AMN1: variants seen among roughly 807,000 people sequenced by gnomAD.
AMN1 encodes antagonist of mitotic exit network 1 homolog.
AMN1 carries 20 observed loss-of-function variants against 33.0 expected under a neutral mutation model. That is an observed-to-expected ratio of 0.61 (90% CI 0.43 to 0.88). The LOEUF (loss-of-function observed/expected upper bound fraction) is 0.88. Ranked by LOEUF, AMN1 falls within the 40% of genes least tolerant of loss-of-function variation. The pLI is 0.00. For synonymous variants in AMN1, 114 were observed against 111.9 expected (o/e 1.02, Z -0.12); for missense variants, 246 against 307.4 (o/e 0.80, Z 1.49).
intron 6 of AMN1, among the ~76,000 whole-genome samples, chr12:31,677,648 G>A (rs754576606): frequency 1.3e-5 from 2 of 152,118 alleles, no homozygotes; most frequent in Non-Finnish European, 1.5e-5. Flanking sequence ...GGCATGCTGA[G>A]TACTTTGAAC....
At chr12:31,728,089 G>C (rs7298704) in intron 1 of AMN1, among the ~76,000 whole-genome samples, 64,820 of 151,780 alleles carry the variant, frequency 0.43, 14,680 homozygotes, top group Middle Eastern at 0.53. Flanking sequence ...TCGAACTCCT[G>C]AGCTCAAGCA....
intron 6 of AMN1, among the ~76,000 whole-genome samples, chr12:31,675,217 AG>A (rs1565758002): frequency 2.0e-5 from 3 of 151,782 alleles, no homozygotes; most frequent in Non-Finnish European, 4.4e-5. Context: ...CAGGAGTTCA[AG>A]ACCAGCCTGG....
At chr12:31,695,611 A>C (rs1405900695) in intron 5 of AMN1, among the ~76,000 whole-genome samples, 1 of 150,812 alleles carries the variant, frequency 6.6e-6, no homozygotes, top group African/African-American at 2.4e-5. Context: ...TCAGGCTCCC[A>C]AGTAGCTGGG....
chr12:31,676,829 G>T (rs1176862585), intron 6 of AMN1, among the ~76,000 whole-genome samples: 1 of 151,688 alleles, frequency 6.6e-6, no homozygotes, highest in African/African-American at 2.4e-5. Flanking sequence ...AAAAATTTTT[G>T]ATGCCAGATG....
chr12:31,679,839 T>C (rs1937915366), intron 6 of AMN1, among the ~76,000 whole-genome samples: 1 of 152,046 alleles, frequency 6.6e-6, no homozygotes, highest in Non-Finnish European at 1.5e-5. Flanking sequence ...TTTAGTAAGT[T>C]TTAGGACAGG....
In AMN1 at chr12:31,722,427, GAAGT is replaced by G. The variant is rs537008172; in HGVS notation, c.38+6540_38+6543del. 8.5e-5 allele frequency among the ~76,000 whole-genome samples: 13 copies of G among 152,196 alleles called. No homozygotes were observed. In the South Asian group the frequency reaches 2.5e-3, roughly 29 times the overall value. On this transcript the variant is annotated intron_variant, in intron 1 of 6. Transcript: ENST00000281471. Reference sequence around the variant, plus strand: ...ATCCTTAGGGTGTTGGCTCCAACAAGAAGTAAAACGGACTTTTAAAAAATCCACT... The same window carrying G: ...ATCCTTAGGGTGTTGGCTCCAACAAGAAAACGGACTTTTAAAAAATCCACT...
At chr12:31,709,605 G>C (rs1483400000) in intron 1 of AMN1, among the ~76,000 whole-genome samples, 180 bp from the exon 2 acceptor site, 1 of 152,138 alleles carries the variant, frequency 6.6e-6, no homozygotes, top group African/African-American at 2.4e-5. Context: ...GATGGCTTGA[G>C]CTCAGGAGTT....
intron 1 of AMN1, among the ~76,000 whole-genome samples, chr12:31,727,136 T>C (rs1940107213): frequency 6.6e-6 from 1 of 152,186 alleles, no homozygotes; most frequent in Non-Finnish European, 1.5e-5. Flanking sequence ...ATTACAGGTG[T>C]GAGCCACCAT....
chr12:31,709,421 G>A lies in AMN1; in HGVS notation c.43C>T (p.Leu15Phe). The A allele has an allele frequency of 6.2e-7, 1 of 1,611,278 alleles. No homozygotes were observed. The highest frequency in any genetic ancestry group is 8.5e-7 in the Non-Finnish European group (1 of 1,178,262). Residue 15 changes from leucine (L) to phenylalanine (F), a missense_variant, in exon 2 of 7, where the codon CTT becomes TTT. Transcript: ENST00000281471. Reference sequence around the variant, plus strand: ...GAAATATTCTTCATGAAGCACCAAAGGCATCTGAAATACAAATACAATATA... The same window carrying A: ...GAAATATTCTTCATGAAGCACCAAAAGCATCTGAAATACAAATACAATATA... The part of the protein sequence containing the change: ...RRVSQLLDLC[L>F]WCFMKNISRY...
At chr12:31,720,705 T>G (rs925578396) in intron 1 of AMN1, among the ~76,000 whole-genome samples, 2 of 152,230 alleles carry the variant, frequency 1.3e-5, no homozygotes, top group African/African-American at 4.8e-5. Context: ...TAGCATCATG[T>G]TTTCAAGGTT....
intron 1 of AMN1, among the ~76,000 whole-genome samples, chr12:31,720,650 C>T (rs910285544): frequency 1.3e-5 from 2 of 151,976 alleles, no homozygotes; most frequent in African/African-American, 4.8e-5. Context: ...ATTGATTTAT[C>T]TGGATTTATA....
chr12:31,688,583 G>A (rs1455391477), intron 6 of AMN1, among the ~76,000 whole-genome samples: 1 of 151,186 alleles, frequency 6.6e-6, no homozygotes, highest in African/African-American at 2.4e-5. Flanking sequence ...CAAGGCAGGC[G>A]GATTGCCTGA....
At position 31,683,599 on chromosome 12, in the gene AMN1, T is replaced by G. The variant is rs147567683; in HGVS notation, c.703+5408A>C. Among the ~76,000 whole-genome samples the G allele has an allele frequency of 2.6e-5, 4 of 152,270 alleles. No homozygotes were observed. The highest frequency in any genetic ancestry group is 6.5e-5 in the Admixed American group (1 of 15,282). The stretch of plus-strand genomic sequence containing the variant: ...ATGATAGTAAATAAGTCTCATGAGA[T>G]CTGATGGTTTTAAAAGGGGAAACCC... On this transcript the variant is annotated intron_variant, in intron 6 of 6. Transcript: ENST00000281471. The surrounding 1 kb of genome is among the most constrained non-coding windows in gnomAD (Gnocchi z 4.1).
At chr12:31,681,511 G>A (rs1186400339) in intron 6 of AMN1, among the ~76,000 whole-genome samples, 1 of 152,106 alleles carries the variant, frequency 6.6e-6, no homozygotes, top group East Asian at 1.9e-4. Flanking sequence ...TTACAGGCGT[G>A]AGCCACCATG....
intron 4 of AMN1, 129 bp from the exon 5 acceptor site, chr12:31,697,546 A>G: frequency 9.4e-7 from 1 of 1,059,896 alleles, no homozygotes. Context: ...TTAGCCATAT[A>G]TACCTTTCAC....
chr12:31,724,856 T>C (rs1404213227), intron 1 of AMN1, among the ~76,000 whole-genome samples: 1 of 152,166 alleles, frequency 6.6e-6, no homozygotes, highest in Admixed American at 6.5e-5. Flanking sequence ...CAGAAACAAA[T>C]CAAATAGTTC....
At chr12:31,707,719 C>G (rs367963635) in intron 2 of AMN1, among the ~76,000 whole-genome samples, 2 of 152,016 alleles carry the variant, frequency 1.3e-5, no homozygotes, top group African/African-American at 2.4e-5. Context: ...ACCAATAAAC[C>G]TTTTTGCTTG....
intron 2 of AMN1, 140 bp from the exon 3 acceptor site, chr12:31,702,147 GCAGA>G: frequency 2.6e-6 from 2 of 757,076 alleles, no homozygotes; most frequent in Admixed American, 6.9e-5. Flanking sequence ...ATATCCATGT[GCAGA>G]CAGACACACA....
chr12:31,705,897 A>G (rs902370287), intron 2 of AMN1, among the ~76,000 whole-genome samples: 2 of 152,134 alleles, frequency 1.3e-5, no homozygotes, highest in Non-Finnish European at 2.9e-5. Context: ...GGTGCTGTCA[A>G]TCAGCCCAAG....
Sources: gnomAD v4.1 joint callset for allele counts (sites outside exome capture counted in the v4.1 genomes callset) on GRCh38, gnomAD v4.1.1 for gene constraint, Gnocchi (gnomAD v3.1) non-coding constraint, MANE v1.5 for transcripts, NCBI Gene and HGNC (gene_info 2026-07-23, HGNC 2026-07-21) for gene names.